Variants in SWT1 observed in about 807,000 individuals in gnomAD.
SWT1 encodes the protein transcriptional protein SWT1.
A neutral mutation model predicts 107.3 loss-of-function variants in SWT1; 33 were observed. The ratio of observed to expected loss-of-function variants is 0.31; its 90% CI spans 0.23 to 0.41. The LOEUF is 0.41. Ranked by LOEUF, SWT1 falls within the 10% of genes least tolerant of loss-of-function variation. The pLI is 1.00. For synonymous variants in SWT1, 345 were observed against 348.3 expected, an observed-to-expected ratio of 0.99 and a Z score of 0.11; for missense variants, 898 against 1,028.9, an observed-to-expected ratio of 0.87 and a Z score of 1.74.
intron 18 of SWT1, among the ~76,000 whole-genome samples, chr1:185,288,623 A>G (rs185475650): frequency 2.4e-4 from 36 of 152,278 alleles, no homozygotes; most frequent in African/African-American, 8.4e-4. Context: ...GAGCTATCTC[A>G]GAAGCCAAGG....
chr1:185,164,330 T>G (rs1654400001), intron 2 of SWT1, among the ~76,000 whole-genome samples: 1 of 152,148 alleles, frequency 6.6e-6, no homozygotes, highest in South Asian at 2.1e-4. Flanking sequence ...ACCTAGGATT[T>G]TCTGAATGAT....
Position 185,183,470 on chromosome 1 carries a change from C to A in SWT1, c.1139-773C>A, listed in dbSNP as rs117983290. On this transcript the variant is annotated intron_variant, in intron 7 of 18. Coordinates refer to ENST00000367500, the MANE Select transcript of SWT1 (RefSeq NM_017673.7). ...CATGCCTGGCTAATTTTTAGTAGAGCTGGAGTTCCACTGTGTTGGCCAGGC... is the reference window on the plus strand; with the variant it reads ...CATGCCTGGCTAATTTTTAGTAGAGATGGAGTTCCACTGTGTTGGCCAGGC... 5.8e-3 allele frequency among the ~76,000 whole-genome samples: 883 copies of A among 151,968 alleles called. 35 individuals are homozygous for A. The East Asian group carries it at 0.095, about 16-fold the overall frequency.
At chr1:185,187,684 A>T (rs537581444) in intron 9 of SWT1, among the ~76,000 whole-genome samples, 12 of 151,530 alleles carry the variant, frequency 7.9e-5, no homozygotes, top group Admixed American at 5.9e-4. Context: ...ATCTTTTTAA[A>T]TTTTTTTTTA....
intron 14 of SWT1, among the ~76,000 whole-genome samples, chr1:185,217,877 T>C (rs527427355): frequency 1.6e-3 from 243 of 152,316 alleles, no homozygotes; most frequent in Admixed American, 2.8e-3. Context: ...ATTACAGACA[T>C]GAGCCACTGC....
chr1:185,270,302 T>TTC lies in SWT1; in HGVS notation c.2442-1021_2442-1020insTC, dbSNP rs1553267919. ...TTTACTTTCCTTTTTTTTTTTTTTT[T>TTC]CCAAAAGAAAAACAGTATTCATGCT... On this transcript the variant is annotated intron_variant, in intron 16 of 18. Transcript: ENST00000367500. Among the ~76,000 whole-genome samples the TTC allele has an allele frequency of 1.7e-3, 254 of 146,162 alleles. 2 individuals carry two copies. Among genetic ancestry groups the TTC allele is most frequent in the African/African-American group, 3.5e-3 (138 of 39,410 alleles).
rs79487768 is a variant in SWT1 at position 185,191,467 on chromosome 1, T to C, written c.1523+825T>C. ...TATTCACTGCAAAATGGAGTTTTTA[T>C]AGTTTCATGATCATGCTCAAATTCT... On this transcript the variant is annotated intron_variant, in intron 10 of 18. Transcript: ENST00000367500. Among the ~76,000 whole-genome samples the C allele has an allele frequency of 5.9e-3, 900 of 152,294 alleles. 33 individuals carry two copies. The East Asian group carries it at 0.096, about 16-fold the overall frequency.
chr1:185,222,804 T>C (rs1271996315), intron 15 of SWT1, among the ~76,000 whole-genome samples: 1 of 150,526 alleles, frequency 6.6e-6, no homozygotes, highest in African/African-American at 2.4e-5. Context: ...GCCTCTCTTC[T>C]AGCTATTTTG....
At chr1:185,276,569 T>C (rs1197389988) in intron 17 of SWT1, 35 bp from the exon 18 acceptor site, 6 of 1,309,058 alleles carry the variant, frequency 4.6e-6, no homozygotes, top group Non-Finnish European at 6.5e-6. Flanking sequence ...CACTTTAATA[T>C]ATATTTTTAA....
chr1:185,256,895 T>TC (rs1276561641), intron 16 of SWT1, among the ~76,000 whole-genome samples: 1 of 152,206 alleles, frequency 6.6e-6, no homozygotes, highest in Non-Finnish European at 1.5e-5. Flanking sequence ...TTCTGTTTTT[T>TC]CCCCATCTTT....
chr1:185,229,466 C>T (rs1259281858), intron 15 of SWT1, among the ~76,000 whole-genome samples: 1 of 151,798 alleles, frequency 6.6e-6, no homozygotes, highest in African/African-American at 2.4e-5. Context: ...CTTTTAGTGT[C>T]CTCATCCTTT....
intron 4 of SWT1, chr1:185,171,690 A>T (rs1655080076): frequency 2.0e-6 from 1 of 501,790 alleles, no homozygotes; most frequent in Non-Finnish European, 3.9e-6. Flanking sequence ...CCTTTACCAC[A>T]AGGTTTTTCA....
intron 17 of SWT1, 139 bp downstream of exon 17, chr1:185,271,528 G>T: frequency 1.8e-6 from 1 of 560,230 alleles, no homozygotes; most frequent in Non-Finnish European, 3.2e-6. Flanking sequence ...TGCCATAAAA[G>T]TTTGTCAGTG....
intron 10 of SWT1, among the ~76,000 whole-genome samples, chr1:185,194,178 T>TACAAG (rs1657196248): frequency 6.6e-6 from 1 of 152,208 alleles, no homozygotes; most frequent in Admixed American, 6.5e-5. Flanking sequence ...TCTACGCCTG[T>TACAAG]ATATTTAAAG....
At chr1:185,171,808 C>G in intron 4 of SWT1, 1 of 352,036 alleles carries the variant, frequency 2.8e-6, no homozygotes. Context: ...AACTCTTGGG[C>G]TCAAGTGATC....
chr1:185,240,766 C>T (rs1661204412), intron 16 of SWT1, among the ~76,000 whole-genome samples: 1 of 152,148 alleles, frequency 6.6e-6, no homozygotes, highest in South Asian at 2.1e-4. Context: ...AGCTATTTTT[C>T]TAAAATAATT....
chr1:185,256,600 C>T lies in SWT1; in HGVS notation c.2442-14723C>T, dbSNP rs1347652438. ...GCTCCTGAGGCTTCTGCATTCTTCACGTAGTTCTCGAGCCTTGGTTTTCAG... is the reference window on the plus strand; with the variant it reads ...GCTCCTGAGGCTTCTGCATTCTTCATGTAGTTCTCGAGCCTTGGTTTTCAG... On this transcript the variant is annotated intron_variant, in intron 16 of 18. Coordinates refer to ENST00000367500, the MANE Select transcript of SWT1 (RefSeq NM_017673.7). 4.1e-3 allele frequency among the ~76,000 whole-genome samples: 596 copies of T among 144,120 alleles called. 7 individuals carry two copies. Among genetic ancestry groups the T allele is most frequent in the African/African-American group, 0.015 (554 of 37,678 alleles). The allele number at this position is 144,120 out of a possible 152,430, so 94.5% of individuals were successfully genotyped here. A position where few individuals can be genotyped will look rare whatever the true frequency, so the allele number is the denominator to read the frequency against.
intron 13 of SWT1, among the ~76,000 whole-genome samples, chr1:185,210,942 A>G (rs538222843): frequency 6.6e-6 from 1 of 152,328 alleles, no homozygotes; most frequent in African/African-American, 2.4e-5. Context: ...ACTGCCATTC[A>G]CAATTGCTAC....
intron 16 of SWT1, among the ~76,000 whole-genome samples, chr1:185,247,689 A>G (rs1358053257): frequency 1.3e-5 from 2 of 152,248 alleles, no homozygotes; most frequent in African/African-American, 2.4e-5. Context: ...GGCTGAGTGC[A>G]TTGTTCTCCA....
intron 4 of SWT1, among the ~76,000 whole-genome samples, chr1:185,169,875 T>C (rs986431093): frequency 2.6e-5 from 4 of 151,998 alleles, no homozygotes; most frequent in African/African-American, 7.3e-5. Flanking sequence ...CACAAACTTA[T>C]AGTTAATGAG....
Sources: allele counts gnomAD v4.1 joint callset (sites outside exome capture counted in the v4.1 genomes callset), GRCh38; gene constraint gnomAD v4.1.1; transcripts MANE v1.5; gene names NCBI Gene and HGNC (gene_info 2026-07-23, HGNC 2026-07-21).